C2CD3: variants seen among roughly 807,000 people sequenced by gnomAD.
C2CD3 encodes C2 domain-containing protein 3.
A neutral mutation model predicts 234.0 loss-of-function variants in C2CD3; 148 were observed. That is an observed-to-expected ratio of 0.63 (90% CI 0.55 to 0.72). The LOEUF (loss-of-function observed/expected upper bound fraction) is 0.72, where lower values mean the gene tolerates loss of function less well. C2CD3 is among the 30% of genes least tolerant of loss of function. The pLI, the probability that C2CD3 is intolerant of heterozygous loss-of-function variation, is 0.00. For missense variants in C2CD3, 2,577 were observed against 2,811.5 expected (o/e 0.92, Z 1.89); for synonymous variants, 1,000 against 1,035.4 (o/e 0.97, Z 0.66).
At chr11:74,152,221 A>G (rs1015949121) in intron 3 of C2CD3, among the ~76,000 whole-genome samples, 2 of 152,218 alleles carry the variant, frequency 1.3e-5, no homozygotes, top group Non-Finnish European at 2.9e-5. Flanking sequence ...GAGGAGATAT[A>G]ATCACAATTG....
In C2CD3 at chr11:74,161,327, C is replaced by G. The variant is rs140169123; in HGVS notation, c.483+72G>C. ...TACAGGAGCCATGGACCTATCCATT[C>G]TACAAACAGACTCAACTATTTCTGC... On this transcript the variant is annotated intron_variant, in intron 3 of 32. Coordinates refer to ENST00000334126, the MANE Select transcript of C2CD3 (RefSeq NM_001286577.2). 87 of 893,812 alleles carry G rather than the reference C, an allele frequency of 9.7e-5. No individual in the cohort carries two copies. The African/African-American group carries it at 1.3e-3, about 13-fold the overall frequency. The allele number at this position is 893,812 out of a possible 1,614,324, so 55.4% of individuals were successfully genotyped here. A position where few individuals can be genotyped will look rare whatever the true frequency, so the allele number is the denominator to read the frequency against.
At chr11:74,108,150 CAAAAAAAAAAAAAAAAGA>C (rs1956601658) in intron 12 of C2CD3, 1 of 53,630 alleles carries the variant, frequency 1.9e-5, no homozygotes, top group East Asian at 5.3e-4. Flanking sequence ...GACTCTGTGT[CAAAAAAAAAAAAAAAAGA>C]AAAGAAAAAA....
intron 11 of C2CD3, chr11:74,113,239 T>C (rs1293746454): frequency 1.3e-5 from 2 of 154,714 alleles, no homozygotes; most frequent in African/African-American, 4.8e-5. Flanking sequence ...ACATCCAGAA[T>C]GGACAAATTG....
chr11:74,107,585 C>A (rs1238234437), intron 12 of C2CD3, among the ~76,000 whole-genome samples: 1 of 151,926 alleles, frequency 6.6e-6, no homozygotes, highest in Non-Finnish European at 1.5e-5. Context: ...ATATCATAAA[C>A]CTTCAAATAC....
chr11:74,060,434 C>A (rs1417168153), intron 24 of C2CD3, among the ~76,000 whole-genome samples: 1 of 152,212 alleles, frequency 6.6e-6, no homozygotes, highest in African/African-American at 2.4e-5. Context: ...GAGGAAGGAT[C>A]AGGCAGCAAC....
intron 2 of C2CD3, among the ~76,000 whole-genome samples, chr11:74,162,780 G>A (rs899540808): frequency 2.0e-5 from 3 of 152,096 alleles, no homozygotes; most frequent in African/African-American, 7.2e-5. Context: ...TCAGGCTTTG[G>A]TTTTGACACA....
chr11:74,117,787 C>T (rs187851093), intron 9 of C2CD3, among the ~76,000 whole-genome samples: 3 of 152,062 alleles, frequency 2.0e-5, no homozygotes, highest in South Asian at 2.1e-4. Context: ...GGGGCACATG[C>T]CTGTAATCCT....
At chr11:74,018,270 T>C (rs1951948550) in intron 32 of C2CD3, among the ~76,000 whole-genome samples, 1 of 152,158 alleles carries the variant, frequency 6.6e-6, no homozygotes, top group Admixed American at 6.5e-5. Context: ...AATGAAGCCT[T>C]GCTGTTCTCA....
chr11:74,135,470 A>C (rs1319007295), intron 5 of C2CD3, among the ~76,000 whole-genome samples: 1 of 152,138 alleles, frequency 6.6e-6, no homozygotes, highest in Non-Finnish European at 1.5e-5. Flanking sequence ...AGACAGGAAG[A>C]TTATCTTGGT....
At chr11:74,156,301 A>G (rs1222769018) in intron 3 of C2CD3, among the ~76,000 whole-genome samples, 1 of 151,334 alleles carries the variant, frequency 6.6e-6, no homozygotes, top group Non-Finnish European at 1.5e-5. Flanking sequence ...CAAACAAAAA[A>G]ACAACAAAAA....
chr11:74,047,716 T>A (rs1953455487), intron 28 of C2CD3, among the ~76,000 whole-genome samples: 1 of 152,162 alleles, frequency 6.6e-6, no homozygotes, highest in African/African-American at 2.4e-5. Context: ...CTTCAGATGG[T>A]TCTAGGGCCT....
chr11:74,054,186 G>A (rs1953840542), intron 26 of C2CD3, among the ~76,000 whole-genome samples: 2 of 151,394 alleles, frequency 1.3e-5, no homozygotes, highest in Non-Finnish European at 2.9e-5. Context: ...GCAGGAGAAT[G>A]GCGTGAACCT....
At chr11:74,076,646 C>G (rs138342431) in intron 23 of C2CD3, among the ~76,000 whole-genome samples, 6 of 152,336 alleles carry the variant, frequency 3.9e-5, no homozygotes, top group Admixed American at 6.5e-5. Context: ...CATCTCTAAT[C>G]ACTTCCCAAT....
At chr11:74,087,987 G>C (rs1053415618) in intron 20 of C2CD3, among the ~76,000 whole-genome samples, 2 of 152,114 alleles carry the variant, frequency 1.3e-5, no homozygotes, top group Non-Finnish European at 2.9e-5. Flanking sequence ...CAGGTAAGAT[G>C]GAGGCTGGTG....
At chr11:74,124,168 C>T (rs1433791814) in intron 7 of C2CD3, among the ~76,000 whole-genome samples, 1 of 152,082 alleles carries the variant, frequency 6.6e-6, no homozygotes, top group African/African-American at 2.4e-5. Flanking sequence ...TGTTAGTGAA[C>T]TTAATGATTT....
At position 74,048,220 on chromosome 11, in the gene C2CD3, A is replaced by G; in HGVS notation, c.5480T>C (p.Phe1827Ser). 1 of 1,613,488 alleles carries G rather than the reference A, an allele frequency of 6.2e-7. No individual in the cohort carries two copies. The highest frequency in any genetic ancestry group is 1.1e-5 in the South Asian group (1 of 90,898). The change falls in exon 28 of 33, where the codon TTC becomes TCC. Residue 1827 changes from phenylalanine to serine, a missense_variant. By Grantham distance (155) the Phe-to-Ser change is radical (BLOSUM62 -2). Coordinates refer to ENST00000334126, the MANE Select transcript of C2CD3 (RefSeq NM_001286577.2). ...ATTCACTCACCTCCCAGGAGAGGAG[A>G]AATCAAGCTCCTTTGAGGAGGCATG... ...LAHASSKELD[F>S]SSPGRSDTTR...
chr11:74,090,346 C>T (rs944704294), intron 20 of C2CD3, among the ~76,000 whole-genome samples: 1 of 152,144 alleles, frequency 6.6e-6, no homozygotes, highest in South Asian at 2.1e-4. Flanking sequence ...CTGACCAACA[C>T]AGTAATGAGG....
intron 3 of C2CD3, among the ~76,000 whole-genome samples, chr11:74,159,330 C>T (rs1411669129): frequency 6.6e-6 from 1 of 152,096 alleles, no homozygotes; most frequent in Non-Finnish European, 1.5e-5. Flanking sequence ...ACAAAGTTAA[C>T]TGTACAACAG....
At chr11:74,155,534 C>T (rs888084182) in intron 3 of C2CD3, among the ~76,000 whole-genome samples, 1 of 152,054 alleles carries the variant, frequency 6.6e-6, no homozygotes, top group Admixed American at 6.6e-5. Flanking sequence ...GGGATATATC[C>T]ATATCGTCAA....
Sources: allele counts gnomAD v4.1 joint callset (sites outside exome capture counted in the v4.1 genomes callset), GRCh38; gene constraint gnomAD v4.1.1; transcripts MANE v1.5; gene names NCBI Gene and HGNC (gene_info 2026-07-23, HGNC 2026-07-21).